The following ANXA4 variants were observed in gnomAD, a reference collection of about 807,000 sequenced individuals.
The protein encoded by ANXA4 is annexin A4, also known as 35-beta calcimedin.
ANXA4 carries 39 observed loss-of-function variants against 49.8 expected under a neutral mutation model. The ratio of observed to expected loss-of-function variants is 0.78; its 90% CI spans 0.61 to 1.02. The LOEUF is 1.02. Ranked by LOEUF, ANXA4 falls within the 50% of genes least tolerant of loss-of-function variation. The pLI is 0.00. For synonymous variants in ANXA4, 134 were observed against 152.5 expected (o/e 0.88, Z 0.89); for missense variants, 360 against 410.1 (o/e 0.88, Z 1.05).
At chr2:69,693,012 A>G (rs1678025288) in intron 2 of ANXA4, among the ~76,000 whole-genome samples, 1 of 152,196 alleles carries the variant, frequency 6.6e-6, no homozygotes, top group Non-Finnish European at 1.5e-5. Flanking sequence ...AGAGTGTTCA[A>G]TGCCCAATAT....
At chr2:69,741,209 TTC>T (rs1279300071), upstream of ANXA4, among the ~76,000 whole-genome samples, 2 of 152,208 alleles carry the variant, frequency 1.3e-5, no homozygotes. Flanking sequence ...AAACGGGCTA[TTC>T]TCTGTTTTTT....
chr2:69,809,424 G>A (rs1673599330), intron 6 of ANXA4: 1 of 152,072 alleles, frequency 6.6e-6, no homozygotes, highest in Non-Finnish European at 1.5e-5. Context: ...TTTCGTTTTT[G>A]CTTTTTAAAA....
intron 1 of ANXA4, 147 bp from the exon 2 acceptor site, chr2:69,781,373 T>C: frequency 1.5e-6 from 1 of 652,068 alleles, no homozygotes; most frequent in South Asian, 1.9e-5. Context: ...ATTCCTTGTA[T>C]CTTTGGCTAA....
At chr2:69,694,523 C>G (rs1260056913) in intron 2 of ANXA4, among the ~76,000 whole-genome samples, 47 of 112,000 alleles carry the variant, frequency 4.2e-4, no homozygotes, top group Non-Finnish European at 7.7e-4. Flanking sequence ...CCCCTCCCCC[C>G]TCCCCCCACC....
At chr2:69,771,072 C>T (rs1471361832) in intron 1 of ANXA4, among the ~76,000 whole-genome samples, 4 of 107,140 alleles carry the variant, frequency 3.7e-5, no homozygotes, top group Non-Finnish European at 6.9e-5. Flanking sequence ...CCAGCCTGGG[C>T]AACAGGGCAA....
chr2:69,725,215 A>G (rs2105436022), intron 3 of ANXA4, among the ~76,000 whole-genome samples: 1 of 152,236 alleles, frequency 6.6e-6, no homozygotes, highest in East Asian at 1.9e-4. Flanking sequence ...ATAGCTATTT[A>G]CAGAGATATA....
chr2:69,763,706 A>C (rs1356478754), intron 1 of ANXA4, among the ~76,000 whole-genome samples: 2 of 143,118 alleles, frequency 1.4e-5, no homozygotes, highest in African/African-American at 5.2e-5. Context: ...TCTGTTGCCC[A>C]GGCTGGAGTG....
chr2:69,817,018 G>C (rs1411800738), intron 9 of ANXA4: 2 of 152,202 alleles, frequency 1.3e-5, no homozygotes, highest in Non-Finnish European at 2.9e-5. Flanking sequence ...AAAAAAACAG[G>C]TGATTACTCC....
intron 7 of ANXA4, chr2:69,811,023 A>G (rs1673685212): frequency 5.2e-6 from 1 of 192,764 alleles, no homozygotes. Flanking sequence ...AGGCATGAAA[A>G]GATTACATGC....
intron 2 of ANXA4, among the ~76,000 whole-genome samples, chr2:69,674,527 A>C (rs1336230847): frequency 6.6e-6 from 1 of 152,214 alleles, no homozygotes; most frequent in Non-Finnish European, 1.5e-5. Context: ...AATTGATAAG[A>C]GCAAACCATT....
chr2:69,769,285 CT>C (rs1671620876), intron 1 of ANXA4, among the ~76,000 whole-genome samples: 2 of 152,194 alleles, frequency 1.3e-5, no homozygotes, highest in African/African-American at 2.4e-5. Flanking sequence ...GCCACTGTGA[CT>C]TTCCTTATTG....
In ANXA4 at chr2:69,806,443, G is replaced by A. The variant is rs1296268865; in HGVS notation, c.251G>A (p.Gly84Glu). ...GGCAACTTCGAGCAGGTGATTGTGG[G>A]GATGATGACGCCCACGGTGCTGTAT... ...LSGNFEQVIV[G>E]MMTPTVLYDV... is the part of the protein sequence containing the mutation. Residue 84 changes from glycine to glutamate, a missense_variant, in exon 5 of 13, where the codon GGG (glycine) becomes GAG (glutamate). Gly to Glu is a moderately conservative substitution (Grantham distance 98). Coordinates refer to ENST00000394295, the MANE Select transcript of ANXA4 (RefSeq NM_001153.5). The A allele has an allele frequency of 6.2e-7, 1 of 1,614,000 alleles. No individual in the cohort carries two copies. The highest frequency in any genetic ancestry group is 1.7e-5 in the Admixed American group (1 of 59,998).
rs369053769 is a variant in ANXA4 at position 69,791,476 on chromosome 2, CAG to C, written c.97+3341_97+3342del. ...GTTTCCAAATTCTACAGGAATTAGG[CAG>C]AGAGACATAAACATGCTCCAAACTT... On this transcript the variant is annotated intron_variant, in intron 3 of 12. Coordinates refer to ENST00000394295, the MANE Select transcript of ANXA4 (RefSeq NM_001153.5). Among the ~76,000 whole-genome samples, 194 of 152,286 alleles carry C rather than the reference CAG, an allele frequency of 1.3e-3. 1 individual carries two copies. Among genetic ancestry groups the C allele is most frequent in the African/African-American group, 4.3e-3 (177 of 41,566 alleles).
chr2:69,812,436 G>A (rs994291646), intron 7 of ANXA4, among the ~76,000 whole-genome samples: 3 of 152,112 alleles, frequency 2.0e-5, no homozygotes, highest in Non-Finnish European at 2.9e-5. Context: ...CTCATGCAAC[G>A]TTAGGGGCCA....
At chr2:69,704,722 T>C (rs1372739430) in intron 2 of ANXA4, among the ~76,000 whole-genome samples, 3 of 152,182 alleles carry the variant, frequency 2.0e-5, no homozygotes, top group Admixed American at 2.0e-4. Flanking sequence ...TTTGCTAATG[T>C]CCCATTGTTC....
At chr2:69,822,992 T>C (rs535097255) in intron 12 of ANXA4, among the ~76,000 whole-genome samples, 29 of 151,450 alleles carry the variant, frequency 1.9e-4, no homozygotes, top group African/African-American at 5.6e-4. Flanking sequence ...ATAGATGAAG[T>C]ATAATACTTC....
intron 8 of ANXA4, among the ~76,000 whole-genome samples, chr2:69,814,418 C>T (rs568529931): frequency 6.9e-6 from 1 of 144,894 alleles, no homozygotes; most frequent in South Asian, 2.2e-4. Flanking sequence ...TGATCTCGGC[C>T]CACTGCAACC....
At chr2:69,648,893 T>C (rs1676114164) in intron 1 of ANXA4, among the ~76,000 whole-genome samples, 2 of 147,252 alleles carry the variant, frequency 1.4e-5, no homozygotes, top group Non-Finnish European at 3.0e-5. Context: ...CTTTTCTTTT[T>C]TTTTTTTTTT....
At chr2:69,674,755 G>A (rs1677330011) in intron 2 of ANXA4, among the ~76,000 whole-genome samples, 1 of 152,044 alleles carries the variant, frequency 6.6e-6, no homozygotes, top group Non-Finnish European at 1.5e-5. Context: ...TGAAATATAA[G>A]ACATTATCAG....
Sources: allele counts gnomAD v4.1 joint callset (sites outside exome capture counted in the v4.1 genomes callset), GRCh38; gene constraint gnomAD v4.1.1; transcripts MANE v1.5; gene names NCBI Gene and HGNC (gene_info 2026-07-23, HGNC 2026-07-21).